The following AVIL variants were observed in gnomAD, a reference collection of about 807,000 sequenced individuals.
AVIL encodes advillin.
In AVIL, 78 loss-of-function variants were observed where a neutral mutation model predicts 109.9. That is an observed-to-expected ratio of 0.71 (90% CI 0.59 to 0.86). The LOEUF (loss-of-function observed/expected upper bound fraction) is 0.86, where lower values mean the gene tolerates loss of function less well. Ranked by LOEUF, AVIL falls within the 40% of genes least tolerant of loss-of-function variation. AVIL has a pLI of 0.00. For missense variants in AVIL, 892 were observed against 1,016.5 expected (o/e 0.88, Z 1.67); for synonymous variants, 367 against 379.1 (o/e 0.97, Z 0.37).
intron 14 of AVIL, chr12:57,803,940 CT>C (rs1172688128): frequency 2.2e-5 from 8 of 356,290 alleles, no homozygotes; most frequent in Non-Finnish European, 3.0e-5. Flanking sequence ...TAGGCACCTA[CT>C]TTTGATTTTT....
rs1442607005 is a variant in AVIL at position 57,814,137 on chromosome 12, G to A, written c.141+15C>T. 1 of 1,612,254 alleles carries A rather than the reference G, an allele frequency of 6.2e-7. No homozygotes were observed. Among genetic ancestry groups the A allele is most frequent in the Non-Finnish European group, 8.5e-7 (1 of 1,179,378 alleles). ...CAGGGGAGAGGCTCACAGGAGTGGG[G>A]AGGAGGGTGCTCACCGAGAGGATGA... On this transcript the variant is annotated intron_variant, in intron 3 of 19. Coordinates refer to ENST00000549994, the MANE Select transcript of AVIL (RefSeq NM_006576.4).
intron 4 of AVIL, among the ~76,000 whole-genome samples, chr12:57,811,977 C>T (rs368605935): frequency 2.6e-5 from 4 of 152,280 alleles, no homozygotes; most frequent in African/African-American, 9.6e-5. Context: ...TATTTTCATT[C>T]TAGTAAACTG....
chr12:57,817,083 T>G (rs1367156436), intron 1 of AVIL, among the ~76,000 whole-genome samples: 1 of 152,114 alleles, frequency 6.6e-6, no homozygotes, highest in African/African-American at 2.4e-5. Context: ...CACCTACCCA[T>G]GTCCAAGGCC....
At chr12:57,806,275 G>T in intron 14 of AVIL, 85 bp downstream of exon 14, 1 of 1,490,134 alleles carries the variant, frequency 6.7e-7, no homozygotes, top group Non-Finnish European at 9.3e-7. Flanking sequence ...GCCTACTCTA[G>T]GTCCTTTGAC....
At chr12:57,803,223 C>G (rs780954916) in intron 16 of AVIL, 24 bp downstream of exon 16, 11 of 1,613,700 alleles carry the variant, frequency 6.8e-6, no homozygotes, top group Middle Eastern at 1.7e-4. Context: ...TTCTCATGTT[C>G]TGACTTCTGC....
At chr12:57,806,292 G>T in intron 14 of AVIL, 68 bp downstream of exon 14, 1 of 1,569,836 alleles carries the variant, frequency 6.4e-7, no homozygotes, top group South Asian at 1.1e-5. Flanking sequence ...TGACCTTGCT[G>T]ACAGGAGGAG....
chr12:57,815,837 G>T, intron 2 of AVIL, 138 bp downstream of exon 2: 7 of 1,536,196 alleles, frequency 4.6e-6, no homozygotes, highest in Non-Finnish European at 6.1e-6. Context: ...ATGGGAAATA[G>T]GTACTTTGAT....
intron 11 of AVIL, 191 bp from the exon 12 acceptor site, chr12:57,807,918 C>A: frequency 1.1e-6 from 1 of 894,390 alleles, no homozygotes; most frequent in Non-Finnish European, 1.8e-6. Flanking sequence ...ACTGGGCCAT[C>A]CTGTTCAGGA....
At chr12:57,811,907 C>T (rs1018850039) in intron 4 of AVIL, among the ~76,000 whole-genome samples, 1 of 152,234 alleles carries the variant, frequency 6.6e-6, no homozygotes, top group Non-Finnish European at 1.5e-5. Flanking sequence ...TTCCCTTTAT[C>T]TGCCTGTCCT....
At chr12:57,802,645 C>A in intron 16 of AVIL, 1 of 667,290 alleles carries the variant, frequency 1.5e-6, no homozygotes, top group Non-Finnish European at 2.7e-6. Context: ...CTCTAAGCAC[C>A]TTAAAAATAA....
At chr12:57,804,006 T>A (rs1353584162) in intron 14 of AVIL, 1 of 190,692 alleles carries the variant, frequency 5.2e-6, no homozygotes, top group Non-Finnish European at 1.1e-5. Flanking sequence ...TAAAATATAC[T>A]CTTTTGACAT....
chr12:57,808,269 A>G lies in AVIL; in HGVS notation c.1119T>C (p.Asp373=). 6.2e-7 allele frequency: 1 copy of G among 1,614,214 alleles called. No individual in the cohort carries two copies. The highest frequency in any genetic ancestry group is 8.5e-7 in the Non-Finnish European group (1 of 1,180,042). Residue 373 remains aspartate, a synonymous_variant, in exon 11 of 20, where the codon GAT becomes GAC. Transcript: ENST00000549994. The part of the protein sequence containing the change: ...KIAKVFQDKF[D]VTLLHTKPEV... The stretch of plus-strand genomic sequence containing the variant: ...CTGGCTTGGTGTGTAGCAGAGTCAC[A>G]TCAAATTTATCCTGGAAAACTTTAG...
chr12:57,814,529 C>CACAG (rs1956077453), intron 2 of AVIL: 1 of 335,284 alleles, frequency 3.0e-6, no homozygotes, highest in Admixed American at 4.0e-5. Context: ...AACCTGTGAA[C>CACAG]CACCTCCAGC....
At chr12:57,815,766 G>C (rs995402221) in intron 2 of AVIL, 25 of 1,452,504 alleles carry the variant, frequency 1.7e-5, no homozygotes, top group Non-Finnish European at 2.3e-5. Flanking sequence ...CCTGTTCTTC[G>C]GGGCTGAACA....
At position 57,797,855 on chromosome 12, in the gene AVIL, C is replaced by T. The variant is rs113785006; in HGVS notation, c.*27G>A. ...GGCACTATCTGCTCTTTTCTGTGGC[C>T]TTGCAATAGGTATAGGCCTTCTTGC... On this transcript the variant is annotated 3_prime_UTR_variant, in exon 20 of 20. Transcript: ENST00000549994. The T allele has an allele frequency of 9.9e-6, 15 of 1,516,642 alleles. No individual in the cohort carries two copies. In the African/African-American group the frequency reaches 1.1e-4, roughly 11 times the overall value. The allele number at this position is 1,516,642 out of a possible 1,614,324, so 93.9% of individuals were successfully genotyped here. A position where few individuals can be genotyped will look rare whatever the true frequency, so the allele number is the denominator to read the frequency against.
chr12:57,807,977 A>G (rs1786933904), intron 11 of AVIL: 4 of 792,492 alleles, frequency 5.0e-6, no homozygotes, highest in Admixed American at 4.0e-5. Context: ...TGATTTGAAT[A>G]TATCTTCCAG....
At chr12:57,813,844 TG>T (rs1956068842) in intron 3 of AVIL, among the ~76,000 whole-genome samples, 1 of 152,184 alleles carries the variant, frequency 6.6e-6, no homozygotes, top group Non-Finnish European at 1.5e-5. Context: ...AGACAGGCCT[TG>T]CATTTATCAG....
In AVIL at chr12:57,797,462, T is replaced by C. The variant is rs1955759150; in HGVS notation, c.*420A>G. On this transcript the variant is annotated 3_prime_UTR_variant, in exon 20 of 20. Transcript: ENST00000549994. ...GGGTATTTGGATTTTGCCTATGGAG[T>C]GCATATATGATTTCAATGATTTACA... 1 of 985,228 alleles carries C rather than the reference T, an allele frequency of 1.0e-6. No individual in the cohort carries two copies. The highest frequency in any genetic ancestry group is 1.7e-5 in the African/African-American group (1 of 57,344). The allele number at this position is 985,228 out of a possible 1,614,324, so 61.0% of individuals were successfully genotyped here. A position where few individuals can be genotyped will look rare whatever the true frequency, so the allele number is the denominator to read the frequency against.
chr12:57,806,556 C>T lies in AVIL; in HGVS notation c.1492-17G>A. The T allele has an allele frequency of 6.2e-7, 1 of 1,613,500 alleles. No individual in the cohort carries two copies. The highest frequency in any genetic ancestry group is 8.5e-7 in the Non-Finnish European group (1 of 1,179,754). ...AGTCCCACCCTAGAGAGAAGAAAAGCAGAGTCCAGATCTAAGGAGCACCAT... is the reference window on the plus strand; with the variant it reads ...AGTCCCACCCTAGAGAGAAGAAAAGTAGAGTCCAGATCTAAGGAGCACCAT... On this transcript the variant is annotated splice_polypyrimidine_tract_variant and intron_variant, in intron 13 of 19. Transcript: ENST00000549994.
Sources: allele counts gnomAD v4.1 joint callset (sites outside exome capture counted in the v4.1 genomes callset), GRCh38; gene constraint gnomAD v4.1.1; transcripts MANE v1.5; gene names NCBI Gene and HGNC (gene_info 2026-07-23, HGNC 2026-07-21).